Variants in SPRR2G observed in about 807,000 individuals in gnomAD.
SPRR2G encodes the protein small proline rich protein 2G, also known as small proline-rich protein 2G.
Under a neutral mutation model 0.7 loss-of-function variants are expected in SPRR2G, and 1 was observed. The ratio of observed to expected loss-of-function variants is 1.49; its 90% CI spans 0.53 to 7.06. The LOEUF (loss-of-function observed/expected upper bound fraction) is 7.06. Among genes scored for constraint, SPRR2G ranks in the 30% most tolerant of loss-of-function variants. SPRR2G has a pLI of 0.14. For synonymous variants in SPRR2G, 38 were observed against 33.9 expected (o/e 1.12, Z -0.42); for missense variants, 96 against 88.5 (o/e 1.09, Z -0.34).
the SPRR2G span, among the ~76,000 whole-genome samples, chr1:153,197,132 A>ATGTGTGTGTGTGTGTG: frequency 4.0e-4 from 56 of 140,510 alleles, 1 homozygote; most frequent in African/African-American, 1.3e-3. Flanking sequence ...CAGGCAGAGA[A>ATGTGTGTGTGTGTGTG]TGTGTGTGTG....
chr1:153,189,833 T>A, the SPRR2G span, among the ~76,000 whole-genome samples: 2 of 151,516 alleles, frequency 1.3e-5, no homozygotes, highest in Admixed American at 1.3e-4. Flanking sequence ...GGACACAGAG[T>A]CAAAGAAAGG....
At chr1:153,157,949 T>G in the SPRR2G span, among the ~76,000 whole-genome samples, 2 of 151,868 alleles carry the variant, frequency 1.3e-5, no homozygotes, top group African/African-American at 4.8e-5. Flanking sequence ...GCCAAGCACT[T>G]TTAAACAATC....
At chr1:153,186,863 T>A in the SPRR2G span, among the ~76,000 whole-genome samples, 8 of 152,340 alleles carry the variant, frequency 5.3e-5, no homozygotes, top group East Asian at 1.5e-3. Flanking sequence ...TATTTAGTGC[T>A]TCCTTCAGGA....
chr1:153,155,957 G>A, the SPRR2G span, among the ~76,000 whole-genome samples: 1 of 151,534 alleles, frequency 6.6e-6, no homozygotes, highest in Non-Finnish European at 1.5e-5. Flanking sequence ...CAACCCATCT[G>A]CATTAAGTGG....
chr1:153,166,264 A>C, the SPRR2G span, among the ~76,000 whole-genome samples: 1 of 152,286 alleles, frequency 6.6e-6, no homozygotes, highest in Admixed American at 6.5e-5. Flanking sequence ...GCCTTGTACC[A>C]AGGAGGGTTC....
the SPRR2G span, among the ~76,000 whole-genome samples, chr1:153,176,832 A>T: frequency 1.3e-5 from 2 of 152,204 alleles, no homozygotes. Flanking sequence ...TAATTCAAGT[A>T]TGTAGATTTC....
the SPRR2G span, among the ~76,000 whole-genome samples, chr1:153,167,041 C>T: frequency 7.9e-5 from 12 of 152,290 alleles, no homozygotes; most frequent in East Asian, 1.9e-4. Flanking sequence ...GACCCTGATG[C>T]AATCTACTTT....
At chr1:153,196,151 C>G in the SPRR2G span, among the ~76,000 whole-genome samples, 104,522 of 152,138 alleles carry the variant, frequency 0.69, 36,899 homozygotes, top group African/African-American at 0.87. Flanking sequence ...GTACAAAGTT[C>G]TTCAGCAGAT....
At chr1:153,190,376 T>C in the SPRR2G span, 1 of 152,288 alleles carries the variant, frequency 6.6e-6, no homozygotes, top group African/African-American at 2.4e-5. Flanking sequence ...CCACACAACC[T>C]AGAAGATGCT....
chr1:153,158,238 C>T, the SPRR2G span, among the ~76,000 whole-genome samples: 4,110 of 152,190 alleles, frequency 0.027, 180 homozygotes, highest in African/African-American at 0.093. Flanking sequence ...CCTATGAGCC[C>T]GTAAAATCAA....
At chr1:153,189,423 C>CA in the SPRR2G span, among the ~76,000 whole-genome samples, 23 of 151,372 alleles carry the variant, frequency 1.5e-4, no homozygotes, top group Non-Finnish European at 1.0e-4. Context: ...TTCATTTTAC[C>CA]AAATAAAATA....
chr1:153,182,369 A>G, the SPRR2G span, among the ~76,000 whole-genome samples: 1 of 143,536 alleles, frequency 7.0e-6, no homozygotes, highest in South Asian at 2.1e-4. Flanking sequence ...GGTTTTTGTC[A>G]TGACTTTTTT....
At chr1:153,166,489 G>A in the SPRR2G span, among the ~76,000 whole-genome samples, 1 of 152,210 alleles carries the variant, frequency 6.6e-6, no homozygotes, top group East Asian at 1.9e-4. Context: ...TCCCAAGGAA[G>A]TGTTCCTAAT....
At chr1:153,151,176 A>G (rs1656460219), upstream of SPRR2G, among the ~76,000 whole-genome samples, 1 of 152,158 alleles carries the variant, frequency 6.6e-6, no homozygotes, top group African/African-American at 2.4e-5. Flanking sequence ...TGCTTCTCCT[A>G]CTTCCCAGCT....
chr1:153,186,882 A>G, the SPRR2G span, among the ~76,000 whole-genome samples: 2 of 152,236 alleles, frequency 1.3e-5, no homozygotes, highest in African/African-American at 2.4e-5. Context: ...GAGCTCTTGT[A>G]AGGTTGGCCT....
Position 153,149,938 on chromosome 1 carries a change from A to C in SPRR2G, c.173T>G (p.Val58Gly), listed in dbSNP as rs1458319106. 4.3e-6 allele frequency: 7 copies of C among 1,614,060 alleles called. No homozygotes were observed. Among genetic ancestry groups the C allele is most frequent in the Non-Finnish European group, 5.9e-6 (7 of 1,180,002 alleles). ...CTGCTGGCAGGGTGGGTATGGTTGC[A>C]CAGGAGGGCATTTATCCTGGCATGG... ...PPPCQDKCPP[V>G]QPYPPCQQKY... Residue 58 changes from valine (V) to glycine (G), a missense_variant, in exon 2 of 2, where the codon GTG becomes GGG. Val to Gly is a moderately radical substitution (Grantham distance 109, BLOSUM62 -3). Coordinates refer to ENST00000368748, the MANE Select transcript of SPRR2G (RefSeq NM_001014291.4).
the SPRR2G span, chr1:153,176,422 C>G: frequency 6.6e-6 from 1 of 152,236 alleles, no homozygotes; most frequent in East Asian, 1.9e-4. Context: ...TCAGAAGATC[C>G]CACTGGCATG....
chr1:153,150,144 T>C lies in SPRR2G; in HGVS notation c.-21-13A>G, dbSNP rs513555. The C allele has an allele frequency of 0.56, 902,281 of 1,609,368 alleles. 254,561 individuals carry two copies. The highest frequency in any genetic ancestry group is 0.68 in the East Asian group (30,330 of 44,832). On this transcript the variant is annotated splice_polypyrimidine_tract_variant and intron_variant, in intron 1 of 1. Transcript: ENST00000368748. The stretch of plus-strand genomic sequence containing the variant: ...AGTCTCAGAGAATCTGAAAGATACA[T>C]ACGAAACAGTGCTCATAAGAGAGAC...
the SPRR2G span, among the ~76,000 whole-genome samples, chr1:153,186,169 G>T: frequency 1.3e-5 from 2 of 152,270 alleles, no homozygotes; most frequent in Non-Finnish European, 2.9e-5. Flanking sequence ...GCATTGTGGT[G>T]CTGAGAGGAA....
Sources: gnomAD v4.1 joint callset for allele counts (sites outside exome capture counted in the v4.1 genomes callset) on GRCh38, gnomAD v4.1.1 for gene constraint, MANE v1.5 for transcripts, NCBI Gene and HGNC (gene_info 2026-07-23, HGNC 2026-07-21) for gene names.